Variants in TENM2 observed in about 807,000 individuals in gnomAD.
TENM2 encodes teneurin-2.
TENM2 carries 52 observed loss-of-function variants against 245.2 expected under a neutral mutation model. The observed-to-expected ratio is 0.21, with a 90% CI of 0.17 to 0.27. The LOEUF is 0.27. Ranked by LOEUF, TENM2 falls within the 10% of genes least tolerant of loss-of-function variation. TENM2 has a pLI of 1.00. For missense variants in TENM2, 3,046 were observed against 3,666.8 expected (o/e 0.83, Z 4.37); for synonymous variants, 1,363 against 1,438.9 (o/e 0.95, Z 1.19).
intron 2 of TENM2, among the ~76,000 whole-genome samples, chr5:167,807,509 G>A (rs1197357291): frequency 6.6e-6 from 1 of 152,034 alleles, no homozygotes; most frequent in African/African-American, 2.4e-5. Context: ...TAACTCATGG[G>A]AAGGCTATGT....
intron 7 of TENM2, among the ~76,000 whole-genome samples, chr5:168,072,718 A>T (rs1791124248): frequency 6.6e-6 from 1 of 152,210 alleles, no homozygotes; most frequent in African/African-American, 2.4e-5. Context: ...GAAAATGAGG[A>T]CTATACCTCA....
intron 2 of TENM2, among the ~76,000 whole-genome samples, chr5:167,525,289 C>A (rs930699400): frequency 6.6e-6 from 1 of 152,090 alleles, no homozygotes; most frequent in Non-Finnish European, 1.5e-5. Context: ...ACTGTGATGA[C>A]GTATTTTAAT....
rs531078024 is a variant in TENM2 at position 167,784,258 on chromosome 5, A to G, written c.503-91728A>G. Reference sequence around the variant, plus strand: ...CAGTTTTCACTTTTGTAAAATGGGGAAACAAATAGTGATGCCCTGAAGGGG... The same window carrying G: ...CAGTTTTCACTTTTGTAAAATGGGGGAACAAATAGTGATGCCCTGAAGGGG... On this transcript the variant is annotated intron_variant, in intron 2 of 28. Transcript: ENST00000518659. Among the ~76,000 whole-genome samples the G allele has an allele frequency of 3.3e-5, 5 of 152,190 alleles. No individual in the cohort carries two copies. In the South Asian group the frequency reaches 6.2e-4, roughly 19 times the overall value.
intron 2 of TENM2, among the ~76,000 whole-genome samples, chr5:167,800,786 CTCTTTG>C (rs1328669104): frequency 3.9e-5 from 6 of 152,084 alleles, no homozygotes. Context: ...TCTCCAGTTT[CTCTTTG>C]TCTGGATGTC....
intron 2 of TENM2, among the ~76,000 whole-genome samples, chr5:167,721,736 A>G (rs1177136906): frequency 2.6e-5 from 4 of 152,204 alleles, no homozygotes; most frequent in African/African-American, 7.2e-5. Flanking sequence ...CACATCTGGA[A>G]AGTCCCTTTT....
chr5:168,036,707 G>GTATATA (rs202165206), intron 5 of TENM2, among the ~76,000 whole-genome samples: 1 of 114,192 alleles, frequency 8.8e-6, no homozygotes, highest in African/African-American at 3.9e-5. Context: ...ATATGTATGT[G>GTATATA]TATATATATG....
chr5:167,945,282 G>A (rs142914405), intron 3 of TENM2, among the ~76,000 whole-genome samples: 11 of 152,062 alleles, frequency 7.2e-5, no homozygotes, highest in South Asian at 2.1e-4. Context: ...TGTGCTGAGC[G>A]TTACAAAAGA....
the TENM2 span, among the ~76,000 whole-genome samples, chr5:167,227,003 G>C: frequency 1.3e-5 from 2 of 151,772 alleles, no homozygotes; most frequent in Non-Finnish European, 2.9e-5. Flanking sequence ...CTTAAAGTCT[G>C]TTTTAAGTAT....
intron 2 of TENM2, among the ~76,000 whole-genome samples, chr5:167,416,168 T>C (rs1182293351): frequency 6.6e-6 from 1 of 152,192 alleles, no homozygotes; most frequent in Non-Finnish European, 1.5e-5. Flanking sequence ...TTCTTAGCCA[T>C]TGGCATTTGG....
chr5:167,182,284 G>A, the TENM2 span, among the ~76,000 whole-genome samples: 1 of 151,966 alleles, frequency 6.6e-6, no homozygotes, highest in African/African-American at 2.4e-5. Flanking sequence ...TTGAGTAAAT[G>A]TGAAATTATT....
intron 2 of TENM2, among the ~76,000 whole-genome samples, chr5:167,564,424 G>A (rs553009812): frequency 2.0e-5 from 3 of 152,248 alleles, no homozygotes; most frequent in Admixed American, 2.0e-4. Context: ...AAGTCTTTAG[G>A]AAGACTTGGG....
chr5:168,063,984 T>C (rs1326361611), intron 7 of TENM2, among the ~76,000 whole-genome samples: 1 of 151,820 alleles, frequency 6.6e-6, no homozygotes, highest in African/African-American at 2.4e-5. Flanking sequence ...CATCCATCCA[T>C]CCAGAAAAAA....
chr5:167,176,192 T>G, the TENM2 span, among the ~76,000 whole-genome samples: 1 of 152,232 alleles, frequency 6.6e-6, no homozygotes, highest in Non-Finnish European at 1.5e-5. Flanking sequence ...TAGAATATTC[T>G]CTGTAGGAAC....
At chr5:167,175,427 A>C in the TENM2 span, among the ~76,000 whole-genome samples, 1 of 152,262 alleles carries the variant, frequency 6.6e-6, no homozygotes. Flanking sequence ...GATTGAAAAG[A>C]TAATATCATC....
chr5:167,318,257 G>A (rs1445448189), intron 1 of TENM2, among the ~76,000 whole-genome samples: 1 of 152,140 alleles, frequency 6.6e-6, no homozygotes, highest in African/African-American at 2.4e-5. Flanking sequence ...GGGCTCAGAG[G>A]AGAATACCTT....
rs142371818 is a variant in TENM2 at position 167,601,545 on chromosome 5, G to A, written c.502+226072G>A. ...ACATTTACTCCGTGAGCTTCAAGGA[G>A]CAAGAAGATCCATGAGAGAGTAACT... On this transcript the variant is annotated intron_variant, in intron 2 of 28. Coordinates refer to ENST00000518659, the Ensembl canonical transcript of TENM2. 4.6e-5 allele frequency among the ~76,000 whole-genome samples: 7 copies of A among 152,322 alleles called. No homozygotes were observed. The East Asian group carries it at 1.4e-3, about 29-fold the overall frequency.
intron 19 of TENM2, among the ~76,000 whole-genome samples, chr5:168,206,716 G>A (rs1762377731): frequency 6.6e-6 from 1 of 152,074 alleles, no homozygotes; most frequent in African/African-American, 2.4e-5. Context: ...TTTAATCCTA[G>A]GAAAGCCTCC....
At chr5:168,197,909 C>T (rs983752755) in intron 15 of TENM2, among the ~76,000 whole-genome samples, 2 of 152,158 alleles carry the variant, frequency 1.3e-5, no homozygotes, top group Admixed American at 6.5e-5. Flanking sequence ...AGCCACAGAG[C>T]AGAGGCTGAT....
At chr5:167,331,489 G>A (rs976671597) in intron 1 of TENM2, among the ~76,000 whole-genome samples, 2 of 152,140 alleles carry the variant, frequency 1.3e-5, no homozygotes, top group Admixed American at 6.5e-5. Flanking sequence ...CAGAAGTGAG[G>A]ACATGGAAAG....
Sources: gnomAD v4.1 joint callset for allele counts (sites outside exome capture counted in the v4.1 genomes callset) on GRCh38, gnomAD v4.1.1 for gene constraint, MANE v1.5 for transcripts, NCBI Gene and HGNC (gene_info 2026-07-23, HGNC 2026-07-21) for gene names.